The following KATNIP variants were observed in gnomAD, a reference collection of about 807,000 sequenced individuals.
KATNIP encodes katanin interacting protein, also known as katanin-interacting protein.
KATNIP carries 126 observed loss-of-function variants against 174.0 expected under a neutral mutation model. That is an observed-to-expected ratio of 0.72 (90% CI 0.63 to 0.84). The LOEUF (loss-of-function observed/expected upper bound fraction) is 0.84, where lower values mean the gene tolerates loss of function less well. Ranked by LOEUF, KATNIP falls within the 40% of genes least tolerant of loss-of-function variation. The probability of loss-of-function intolerance (pLI) is 0.00; values close to 1 mark genes in which losing one functional copy is unlikely to be tolerated. For missense variants in KATNIP, 1,958 were observed against 2,109.7 expected (o/e 0.93, Z 1.41); for synonymous variants, 810 against 835.7 (o/e 0.97, Z 0.53).
intron 8 of KATNIP, among the ~76,000 whole-genome samples, chr16:27,690,386 T>G (rs111854709): frequency 6.7e-6 from 1 of 148,962 alleles, no homozygotes; most frequent in Admixed American, 6.7e-5. Context: ...GATAGATAGA[T>G]AGAAAAATAA....
chr16:27,614,554 C>T (rs1452267743), intron 2 of KATNIP, among the ~76,000 whole-genome samples: 1 of 152,196 alleles, frequency 6.6e-6, no homozygotes, highest in Non-Finnish European at 1.5e-5. Flanking sequence ...AGCAGTCCTC[C>T]TGCATCAGCC....
At chr16:27,588,796 T>G (rs1408662124) in intron 2 of KATNIP, among the ~76,000 whole-genome samples, 1 of 151,978 alleles carries the variant, frequency 6.6e-6, no homozygotes, top group African/African-American at 2.4e-5. Context: ...ACCCTCAATC[T>G]CATTCCCCTT....
intron 1 of KATNIP, among the ~76,000 whole-genome samples, chr16:27,551,399 C>T (rs1355621992): frequency 1.3e-5 from 2 of 152,126 alleles, no homozygotes; most frequent in African/African-American, 4.8e-5. Context: ...ATAAAATGTG[C>T]TTTACCATTT....
chr16:27,690,999 A>G (rs1047872547), intron 8 of KATNIP, among the ~76,000 whole-genome samples: 1 of 152,170 alleles, frequency 6.6e-6, no homozygotes, highest in Non-Finnish European at 1.5e-5. Context: ...TGAAAGTGAC[A>G]CAATACATCT....
At chr16:27,758,159 G>C (rs990904948) in intron 18 of KATNIP, among the ~76,000 whole-genome samples, 1 of 152,166 alleles carries the variant, frequency 6.6e-6, no homozygotes, top group Admixed American at 6.5e-5. Flanking sequence ...GGGAGAGACT[G>C]GGCATCTCTT....
intron 22 of KATNIP, among the ~76,000 whole-genome samples, chr16:27,771,991 G>A (rs77431555): frequency 6.6e-6 from 1 of 152,124 alleles, no homozygotes; most frequent in Admixed American, 6.5e-5. Context: ...GAAATAACTT[G>A]GCAATCCAGG....
chr16:27,637,987 G>A lies in KATNIP; in HGVS notation c.408+6825G>A, dbSNP rs910132137. On this transcript the variant is annotated intron_variant, in intron 5 of 27. Transcript: ENST00000261588. This position sits in a 1 kb window ranked among gnomAD's most constrained non-coding sequence, Gnocchi z 4.7. ...CACTTCTGTTCCCTGTCCCTGAGCT[G>A]CCGCCAACTCGTAGCTTCAGTGTTC... Among the ~76,000 whole-genome samples, 8 of 152,178 alleles carry A rather than the reference G, an allele frequency of 5.3e-5. No homozygotes were observed. Among genetic ancestry groups the A allele is most frequent in the African/African-American group, 1.9e-4 (8 of 41,434 alleles).
At chr16:27,646,287 A>T (rs528301620) in intron 5 of KATNIP, among the ~76,000 whole-genome samples, 35 of 152,294 alleles carry the variant, frequency 2.3e-4, no homozygotes, top group African/African-American at 8.2e-4. Flanking sequence ...GGTCCCCAGC[A>T]GCTCCTGATA....
rs1199781066 is a variant in KATNIP, at chr16:27,776,918, T to C, written c.4450-10T>C. ...ACATGCCTGTTTTAATTAGTGCCGC[T>C]CTCTGACAGGTGAACCGGGTTTATG... On this transcript the variant is annotated splice_polypyrimidine_tract_variant and intron_variant, in intron 24 of 27. Transcript: ENST00000261588. The surrounding 1 kb of genome is among the most constrained non-coding windows in gnomAD (Gnocchi z 4.7). 1.3e-6 allele frequency: 2 copies of C among 1,591,246 alleles called. No individual in the cohort carries two copies. The highest frequency in any genetic ancestry group is 2.7e-5 in the African/African-American group (2 of 74,566).
chr16:27,653,156 A>G (rs577117982), intron 6 of KATNIP, among the ~76,000 whole-genome samples: 17 of 152,348 alleles, frequency 1.1e-4, no homozygotes, highest in African/African-American at 3.4e-4. Flanking sequence ...TCATTGATCC[A>G]GAATATCCTG....
At chr16:27,625,694 A>G (rs2076311719) in intron 3 of KATNIP, among the ~76,000 whole-genome samples, 1 of 152,222 alleles carries the variant, frequency 6.6e-6, no homozygotes, top group African/African-American at 2.4e-5. Flanking sequence ...AAAAATAAAC[A>G]AAGAAATCAC....
chr16:27,650,991 A>AT (rs2077103959), intron 6 of KATNIP, among the ~76,000 whole-genome samples: 1 of 152,170 alleles, frequency 6.6e-6, no homozygotes. Flanking sequence ...ATTTCTCTTA[A>AT]TTGGGAGGCT....
intron 1 of KATNIP, among the ~76,000 whole-genome samples, chr16:27,568,498 C>T (rs1283736621): frequency 6.6e-6 from 1 of 151,900 alleles, no homozygotes; most frequent in Non-Finnish European, 1.5e-5. Context: ...GACCAAGTCT[C>T]GCTCTGTCGC....
intron 18 of KATNIP, chr16:27,754,769 G>A (rs1315292276): frequency 6.6e-6 from 1 of 152,652 alleles, no homozygotes; most frequent in Non-Finnish European, 1.5e-5. Context: ...CGGAAATCTA[G>A]AGTCTTACGT....
At chr16:27,697,267 C>T (rs1264831870) in intron 8 of KATNIP, among the ~76,000 whole-genome samples, 1 of 152,166 alleles carries the variant, frequency 6.6e-6, no homozygotes, top group African/African-American at 2.4e-5. Context: ...TTTACACTCC[C>T]ACCAGCAGTG....
chr16:27,661,166 A>T (rs918930577), intron 6 of KATNIP, among the ~76,000 whole-genome samples: 4 of 152,170 alleles, frequency 2.6e-5, no homozygotes, highest in Non-Finnish European at 5.9e-5. Flanking sequence ...TCAGTTTGAG[A>T]TATGTAGTTT....
intron 1 of KATNIP, among the ~76,000 whole-genome samples, chr16:27,554,220 T>C (rs1473315746): frequency 1.3e-5 from 2 of 152,116 alleles, no homozygotes; most frequent in Non-Finnish European, 2.9e-5. Context: ...TCCCAGCACT[T>C]TGAGAGGCCA....
chr16:27,770,937 G>A (rs1028201252), intron 21 of KATNIP, among the ~76,000 whole-genome samples: 10 of 152,232 alleles, frequency 6.6e-5, no homozygotes, highest in South Asian at 4.1e-4. Flanking sequence ...CCCTCTGGCC[G>A]CTTTCTGGGG....
rs2081531725 is a variant in KATNIP at position 27,751,856 on chromosome 16, C to T, written c.3484C>T (p.Pro1162Ser). The T allele has an allele frequency of 1.2e-6, 2 of 1,613,948 alleles. No homozygotes were observed. The highest frequency in any genetic ancestry group is 1.3e-5 in the African/African-American group (1 of 74,922). The change falls in exon 17 of 28, where the codon CCC (proline) becomes TCC (serine). Residue 1162 changes from proline to serine, a missense_variant. Around this residue, in one of 3 missense-constraint regions of KATNIP, gnomAD observed 1,557 missense variants for 1,617.8 expected, o/e 0.96. Coordinates refer to ENST00000261588, the MANE Select transcript of KATNIP (RefSeq NM_015202.5). The part of the protein sequence containing the change: ...SLQDEEAMRR[P>S]STADGEGDER... ...GCAGGATGAAGAGGCAATGAGGAGGCCCAGCACGGCCGACGGCGAGGGGGA... is the reference window on the plus strand; with the variant it reads ...GCAGGATGAAGAGGCAATGAGGAGGTCCAGCACGGCCGACGGCGAGGGGGA...
Sources: gnomAD v4.1 joint callset for allele counts (sites outside exome capture counted in the v4.1 genomes callset) on GRCh38, gnomAD v4.1.1 for gene constraint, gnomAD v4.1.1 regional missense constraint, Gnocchi (gnomAD v3.1) non-coding constraint, MANE v1.5 for transcripts, NCBI Gene and HGNC (gene_info 2026-07-23, HGNC 2026-07-21) for gene names.